Variants in NR1H4 observed in about 807,000 individuals in gnomAD.
NR1H4 encodes nuclear receptor subfamily 1 group H member 4.
Under a neutral mutation model 58.5 loss-of-function variants are expected in NR1H4, and 23 were observed. The ratio of observed to expected loss-of-function variants is 0.39; its 90% CI spans 0.28 to 0.56. The LOEUF (loss-of-function observed/expected upper bound fraction) is 0.56, where lower values mean the gene tolerates loss of function less well. Among genes scored for constraint, NR1H4 ranks in the 20% least tolerant of loss-of-function variants. The pLI, the probability that NR1H4 is intolerant of heterozygous loss-of-function variation, is 0.58. For synonymous variants in NR1H4, 214 were observed against 198.0 expected (o/e 1.08, Z -0.68); for missense variants, 487 against 576.9 (o/e 0.84, Z 1.60).
At chr12:100,530,743 G>A (rs942300655) in intron 4 of NR1H4, among the ~76,000 whole-genome samples, 10 of 152,192 alleles carry the variant, frequency 6.6e-5, no homozygotes, top group Non-Finnish European at 1.3e-4. Flanking sequence ...CCACTGGAAC[G>A]TGTAGTAACT....
rs551188759 is a variant in NR1H4 at position 100,514,487 on chromosome 12, G to T, written c.445+3344G>T. Among the ~76,000 whole-genome samples the T allele has an allele frequency of 2.0e-5, 3 of 152,078 alleles. No homozygotes were observed. The South Asian group carries it at 6.3e-4, about 32-fold the overall frequency. On this transcript the variant is annotated intron_variant, in intron 4 of 10. Coordinates refer to ENST00000392986, the MANE Select transcript of NR1H4 (RefSeq NM_001206979.2). ...TTTAGGCTGAAAAACTCTGTTGTGG[G>T]GGGATGTCTTGTACATACTGTGGGA...
intron 1 of NR1H4, among the ~76,000 whole-genome samples, chr12:100,480,292 T>C (rs2025801): frequency 0.16 from 23,805 of 152,134 alleles, 4,332 homozygotes; most frequent in African/African-American, 0.44. Context: ...ATGTCTAGTG[T>C]CTGTCAATAA....
At chr12:100,549,840 T>G (rs1323557294) in intron 9 of NR1H4, among the ~76,000 whole-genome samples, 1 of 152,168 alleles carries the variant, frequency 6.6e-6, no homozygotes, top group Non-Finnish European at 1.5e-5. Flanking sequence ...CTTCTCCCAG[T>G]GGGTTTTCAG....
intron 4 of NR1H4, among the ~76,000 whole-genome samples, chr12:100,528,626 A>C (rs1186010758): frequency 6.6e-6 from 1 of 152,232 alleles, no homozygotes; most frequent in Non-Finnish European, 1.5e-5. Flanking sequence ...TGCACAAGAA[A>C]GAGGCAGAGG....
At position 100,478,995 on chromosome 12, in the gene NR1H4, T is replaced by A. The variant is rs537299363; in HGVS notation, c.-190+4936T>A. Among the ~76,000 whole-genome samples, 6 of 152,302 alleles carry A rather than the reference T, an allele frequency of 3.9e-5. 1 individual carries two copies. Among genetic ancestry groups the A allele is most frequent in the African/African-American group, 1.4e-4 (6 of 41,572 alleles). ...TCCTAATTATTATTAGTTTCAGATATTTTCTGTGTTTACTGGCCACTTGTG... is the reference window on the plus strand; with the variant it reads ...TCCTAATTATTATTAGTTTCAGATAATTTCTGTGTTTACTGGCCACTTGTG... On this transcript the variant is annotated intron_variant, in intron 1 of 10. Transcript: ENST00000392986.
chr12:100,544,889 G>A (rs1263291365), intron 9 of NR1H4, among the ~76,000 whole-genome samples: 2 of 152,078 alleles, frequency 1.3e-5, no homozygotes, highest in African/African-American at 4.8e-5. Flanking sequence ...GCATTTGAGT[G>A]TAAGAAAAGG....
At position 100,564,309 on chromosome 12, in the gene NR1H4, T is replaced by A. The variant is rs1335216477; in HGVS notation, c.*820T>A. 1 of 152,152 alleles carries A rather than the reference T, an allele frequency of 6.6e-6. No individual in the cohort carries two copies. Among genetic ancestry groups the A allele is most frequent in the Non-Finnish European group, 1.5e-5 (1 of 68,046 alleles). 9.4% of individuals were successfully genotyped at this position (152,152 alleles called of 1,614,324 possible). The stretch of plus-strand genomic sequence containing the variant: ...GCTGGGAGCACAGCTGCTGTATACT[T>A]CCCCCAAAGCAGGAATTAGTTCATT... On this transcript the variant is annotated 3_prime_UTR_variant, in exon 11 of 11. Transcript: ENST00000392986.
intron 3 of NR1H4, among the ~76,000 whole-genome samples, chr12:100,506,665 G>A (rs11110399): frequency 0.036 from 5,514 of 152,008 alleles, 369 homozygotes; most frequent in East Asian, 0.29. Flanking sequence ...CTGCCACCAC[G>A]TCCAGCTAAT....
chr12:100,475,473 C>T (rs143685049), intron 1 of NR1H4, among the ~76,000 whole-genome samples: 11 of 152,134 alleles, frequency 7.2e-5, no homozygotes, highest in Non-Finnish European at 1.2e-4. Context: ...GTACCTCTGC[C>T]CTCTCCTCAC....
At chr12:100,538,949 A>C (rs1211925560) in intron 8 of NR1H4, among the ~76,000 whole-genome samples, 1 of 152,228 alleles carries the variant, frequency 6.6e-6, no homozygotes, top group Admixed American at 6.5e-5. Context: ...ATTATATAAG[A>C]GTAAAAACTG....
intron 3 of NR1H4, chr12:100,505,677 T>C: frequency 1.5e-6 from 1 of 687,102 alleles, no homozygotes; most frequent in Middle Eastern, 2.6e-4. Context: ...ATTCTCATAC[T>C]CTTTGATAGG....
chr12:100,520,727 CG>C (rs1954394477), intron 4 of NR1H4, among the ~76,000 whole-genome samples: 1 of 152,182 alleles, frequency 6.6e-6, no homozygotes, highest in Admixed American at 6.5e-5. Context: ...GTAGAAACAA[CG>C]GAAGAACAGC....
intron 1 of NR1H4, among the ~76,000 whole-genome samples, chr12:100,492,168 G>A (rs1953618719): frequency 6.6e-6 from 1 of 152,160 alleles, no homozygotes; most frequent in South Asian, 2.1e-4. Flanking sequence ...ATGAATAAAT[G>A]AAGGAAACAG....
Position 100,563,476 on chromosome 12 carries a change from G to T in NR1H4, c.1418G>T (p.Trp473Leu). 6.2e-7 allele frequency: 1 copy of T among 1,613,720 alleles called. No homozygotes were observed. The highest frequency in any genetic ancestry group is 8.5e-7 in the Non-Finnish European group (1 of 1,179,646). The change falls in exon 11 of 11, where the codon TGG becomes TTG. Residue 473 changes from tryptophan to leucine, a missense_variant. By Grantham distance (61) the Trp-to-Leu change is moderately conservative. Coordinates refer to ENST00000392986, the MANE Select transcript of NR1H4 (RefSeq NM_001206979.2). Reference protein sequence around the residue: ...HKFTPLLCEIWDVQ With the variant: ...HKFTPLLCEILDVQ The stretch of plus-strand genomic sequence containing the variant: ...TTTACCCCACTTCTCTGTGAAATCT[G>T]GGACGTGCAGTGATGGGGATTACAG...
At chr12:100,540,390 G>T (rs1954907412) in intron 8 of NR1H4, among the ~76,000 whole-genome samples, 2 of 152,270 alleles carry the variant, frequency 1.3e-5, no homozygotes, top group South Asian at 4.1e-4. Flanking sequence ...ATCTACCTGT[G>T]TCTAGTTTCT....
At chr12:100,558,257 C>T (rs1421802394) in intron 9 of NR1H4, among the ~76,000 whole-genome samples, 1 of 146,412 alleles carries the variant, frequency 6.8e-6, no homozygotes, top group Non-Finnish European at 1.5e-5. Context: ...CCTGTAGTCC[C>T]AGCTACTTGG....
At chr12:100,493,497 A>G in intron 3 of NR1H4, 95 bp downstream of exon 3, 1 of 711,798 alleles carries the variant, frequency 1.4e-6, no homozygotes, top group Non-Finnish European at 2.5e-6. Flanking sequence ...GCCCAGGGTC[A>G]AGAACATGTT....
At chr12:100,553,134 G>A (rs920658642) in intron 9 of NR1H4, among the ~76,000 whole-genome samples, 7 of 152,122 alleles carry the variant, frequency 4.6e-5, no homozygotes, top group African/African-American at 1.4e-4. Flanking sequence ...GAGTAGCTGG[G>A]ACTACAGGCG....
intron 1 of NR1H4, among the ~76,000 whole-genome samples, chr12:100,491,580 G>T (rs1953607136): frequency 6.6e-6 from 1 of 151,004 alleles, no homozygotes; most frequent in African/African-American, 2.4e-5. Flanking sequence ...GCTTTCCTTT[G>T]GGGTGAAGTT....
Sources: gnomAD v4.1 joint callset for allele counts (sites outside exome capture counted in the v4.1 genomes callset) on GRCh38, gnomAD v4.1.1 for gene constraint, MANE v1.5 for transcripts, NCBI Gene and HGNC (gene_info 2026-07-23, HGNC 2026-07-21) for gene names.